The following NCKAP1 variants were observed in gnomAD, a reference collection of about 807,000 sequenced individuals.
NCKAP1 encodes nck-associated protein 1.
NCKAP1 carries 21 observed loss-of-function variants against 151.2 expected under a neutral mutation model. The ratio of observed to expected loss-of-function variants is 0.14; its 90% CI spans 0.10 to 0.20. NCKAP1 has a LOEUF of 0.20. Among genes scored for constraint, NCKAP1 ranks in the 10% least tolerant of loss-of-function variants. The pLI is 1.00. For synonymous variants in NCKAP1, 484 were observed against 451.8 expected, an observed-to-expected ratio of 1.07 and a Z score of -0.90; for missense variants, 933 against 1,352.1, an observed-to-expected ratio of 0.69 and a Z score of 4.86.
Position 183,021,101 on chromosome 2 carries a change from C to T in NCKAP1, c.219+2705G>A, listed in dbSNP as rs529653053. On this transcript the variant is annotated intron_variant, in intron 2 of 30. Coordinates refer to ENST00000361354, the MANE Select transcript of NCKAP1 (RefSeq NM_013436.5). ...TACAATCAATTTTATAGGTTAAGCA[C>T]AGAATTACCACGCCACCCAGCAATT... is the stretch of plus-strand genomic sequence containing the variant. Among the ~76,000 whole-genome samples, 4 of 152,254 alleles carry T rather than the reference C, an allele frequency of 2.6e-5. No individual in the cohort carries two copies. The East Asian group carries it at 5.8e-4, about 22-fold the overall frequency.
chr2:182,997,201 A>C (rs1698287664), intron 6 of NCKAP1, among the ~76,000 whole-genome samples: 1 of 152,190 alleles, frequency 6.6e-6, no homozygotes, highest in South Asian at 2.1e-4. Flanking sequence ...TCAAAAAACT[A>C]ACTTTTTGTT....
At chr2:182,965,224 CT>C (rs1697542749) in intron 16 of NCKAP1, among the ~76,000 whole-genome samples, 1 of 150,028 alleles carries the variant, frequency 6.7e-6, no homozygotes, top group Non-Finnish European at 1.5e-5. Flanking sequence ...AACCCTGTCT[CT>C]ATTTTTAAAA....
chr2:183,020,266 C>G (rs529129946), intron 2 of NCKAP1, among the ~76,000 whole-genome samples: 4 of 151,822 alleles, frequency 2.6e-5, no homozygotes, highest in East Asian at 3.9e-4. Flanking sequence ...AGTTTGAGAC[C>G]AGCCTGGTCA....
At chr2:182,956,009 T>C (rs1697317617) in intron 20 of NCKAP1, among the ~76,000 whole-genome samples, 1 of 152,184 alleles carries the variant, frequency 6.6e-6, no homozygotes, top group Admixed American at 6.5e-5. Flanking sequence ...TCTGGGTATC[T>C]TCAGTAATTT....
At chr2:183,019,886 A>C (rs1698763074) in intron 2 of NCKAP1, among the ~76,000 whole-genome samples, 1 of 152,188 alleles carries the variant, frequency 6.6e-6, no homozygotes, top group Non-Finnish European at 1.5e-5. Context: ...ACAACTGGTC[A>C]CAAACAAGAA....
intron 23 of NCKAP1, among the ~76,000 whole-genome samples, chr2:182,947,313 G>T (rs879522890): frequency 2.6e-5 from 4 of 152,180 alleles, no homozygotes; most frequent in Non-Finnish European, 4.4e-5. Context: ...AAGTTAGACA[G>T]TGTCTATGTA....
At chr2:182,950,466 T>C (rs1202855683) in intron 23 of NCKAP1, among the ~76,000 whole-genome samples, 2 of 151,968 alleles carry the variant, frequency 1.3e-5, no homozygotes, top group East Asian at 1.9e-4. Flanking sequence ...TTGAGAACAG[T>C]AGGATAGAAA....
chr2:183,033,863 T>C (rs1331777935), intron 1 of NCKAP1, among the ~76,000 whole-genome samples: 1 of 152,220 alleles, frequency 6.6e-6, no homozygotes, highest in Non-Finnish European at 1.5e-5. Flanking sequence ...CAGTGAATTT[T>C]TGAAGTCACT....
intron 15 of NCKAP1, 134 bp from the exon 16 acceptor site, chr2:182,967,495 G>A (rs1290338586): frequency 2.5e-6 from 2 of 786,050 alleles, no homozygotes; most frequent in Admixed American, 2.9e-5. Context: ...CATCTACTGT[G>A]TTAGTTGTCT....
chr2:182,950,787 TGTAA>T (rs1304624346), intron 23 of NCKAP1, among the ~76,000 whole-genome samples: 1 of 152,154 alleles, frequency 6.6e-6, no homozygotes, highest in African/African-American at 2.4e-5. Context: ...AATCAAAGCT[TGTAA>T]GTGACAGGTC....
rs1696607541 is a variant in NCKAP1, at chr2:182,924,728, T to C, written c.*974A>G. The stretch of plus-strand genomic sequence containing the variant: ...TGGTATTTTTTTCAATAAAATGTTT[T>C]TTAAAACATTTAAACAAATCATATA... On this transcript the variant is annotated 3_prime_UTR_variant, in exon 31 of 31. Transcript: ENST00000361354. The C allele has an allele frequency of 6.6e-6, 1 of 152,176 alleles. No homozygotes were observed. The highest frequency in any genetic ancestry group is 1.5e-5 in the Non-Finnish European group (1 of 68,010). 9.4% of individuals were successfully genotyped at this position (152,176 alleles called of 1,614,324 possible). A position where few individuals can be genotyped will look rare whatever the true frequency, so the allele number is the denominator to read the frequency against.
chr2:182,928,337 G>C (rs377172735), intron 28 of NCKAP1, 111 bp from the exon 29 acceptor site: 2 of 710,422 alleles, frequency 2.8e-6, no homozygotes, highest in African/African-American at 3.6e-5. Flanking sequence ...ATTAAGAGTA[G>C]AGTTGGGACA....
chr2:183,020,038 T>C (rs192120443), intron 2 of NCKAP1, among the ~76,000 whole-genome samples: 314 of 151,878 alleles, frequency 2.1e-3, no homozygotes, highest in Non-Finnish European at 3.8e-3. Context: ...TTAAAAAGTA[T>C]GGAGGTGAGG....
intron 2 of NCKAP1, among the ~76,000 whole-genome samples, chr2:183,016,083 T>C (rs2105888109): frequency 6.6e-6 from 1 of 152,262 alleles, no homozygotes; most frequent in Non-Finnish European, 1.5e-5. Context: ...TTTGTTATAG[T>C]TCTAGCAGTA....
chr2:182,964,371 A>C (rs1697520128), intron 17 of NCKAP1, among the ~76,000 whole-genome samples: 1 of 152,172 alleles, frequency 6.6e-6, no homozygotes, highest in South Asian at 2.1e-4. Flanking sequence ...TTAAGAGGAA[A>C]ATTAAGTATA....
At chr2:183,033,491 T>G (rs992408566) in intron 1 of NCKAP1, among the ~76,000 whole-genome samples, 3 of 152,214 alleles carry the variant, frequency 2.0e-5, no homozygotes, top group Admixed American at 6.5e-5. Context: ...TAGTTAAATA[T>G]CTATACATCT....
intron 2 of NCKAP1, among the ~76,000 whole-genome samples, chr2:183,021,318 G>C (rs1419886055): frequency 6.6e-6 from 1 of 152,152 alleles, no homozygotes; most frequent in Non-Finnish European, 1.5e-5. Context: ...AAGAAATGAA[G>C]ATTGGGCACA....
At chr2:182,961,636 G>A (rs1697455768) in intron 18 of NCKAP1, among the ~76,000 whole-genome samples, 1 of 152,074 alleles carries the variant, frequency 6.6e-6, no homozygotes, top group Admixed American at 6.6e-5. Context: ...GTTAAATGAC[G>A]AGTTAATGGG....
chr2:182,942,715 TGAGAAAAGGGAA>T lies in NCKAP1; in HGVS notation c.2602-564_2602-553del, dbSNP rs1697022621. Reference sequence around the variant, plus strand: ...TATCTACTCCTCTTTCACAGACCACTGAGAAAAGGGAAGAGAAAAGAAGGAAGAGATATAAAT... The same window carrying T: ...TATCTACTCCTCTTTCACAGACCACTGAGAAAAGAAGGAAGAGATATAAAT... On this transcript the variant is annotated intron_variant, in intron 23 of 30. Transcript: ENST00000361354. 2.0e-5 allele frequency among the ~76,000 whole-genome samples: 3 copies of T among 151,628 alleles called. No individual in the cohort carries two copies. In the South Asian group the frequency reaches 6.3e-4, roughly 32 times the overall value.
Sources: allele counts gnomAD v4.1 joint callset (sites outside exome capture counted in the v4.1 genomes callset), GRCh38; gene constraint gnomAD v4.1.1; transcripts MANE v1.5; gene names NCBI Gene and HGNC (gene_info 2026-07-23, HGNC 2026-07-21).